Variants in JAK2 observed in about 807,000 individuals in gnomAD.
The protein encoded by JAK2 is tyrosine-protein kinase JAK2.
JAK2 carries 86 observed loss-of-function variants against 139.3 expected under a neutral mutation model. That is an observed-to-expected ratio of 0.62 (90% CI 0.52 to 0.74). The LOEUF is 0.74. Ranked by LOEUF, JAK2 falls within the 30% of genes least tolerant of loss-of-function variation. The pLI, the probability that JAK2 is intolerant of heterozygous loss-of-function variation, is 0.00. For synonymous variants in JAK2, 490 were observed against 437.7 expected (o/e 1.12, Z -1.49); for missense variants, 1,421 against 1,360.3 (o/e 1.04, Z -0.70).
intron 22 of JAK2, chr9:5,110,518 A>G: frequency 6.4e-6 from 1 of 156,180 alleles, no homozygotes; most frequent in East Asian, 1.9e-4. Flanking sequence ...AATCTCAATG[A>G]TGAACAAGAT....
intron 22 of JAK2, chr9:5,111,912 G>A (rs1447013902): frequency 1.4e-5 from 5 of 352,360 alleles, no homozygotes; most frequent in Non-Finnish European, 2.8e-5. Context: ...GGAAGGCCTG[G>A]CCTCAATCTA....
chr9:5,065,192 A>T (rs1818482730), intron 9 of JAK2, 152 bp downstream of exon 9: 1 of 452,394 alleles, frequency 2.2e-6, no homozygotes, highest in African/African-American at 2.0e-5. Flanking sequence ...ATTACATAAT[A>T]ATTAGAATTA....
chr9:5,098,058 T>C (rs1343541091), intron 22 of JAK2: 1 of 152,218 alleles, frequency 6.6e-6, no homozygotes, highest in East Asian at 1.9e-4. Context: ...GCAGTTATGC[T>C]AACAATTTTT....
chr9:5,030,004 C>G (rs868276307), intron 4 of JAK2, 98 bp downstream of exon 4: 2 of 994,148 alleles, frequency 2.0e-6, no homozygotes, highest in South Asian at 3.6e-5. Flanking sequence ...TACCAGATAC[C>G]TGAACCAATT....
chr9:5,121,201 T>A (rs187687161), intron 22 of JAK2, among the ~76,000 whole-genome samples: 3 of 152,100 alleles, frequency 2.0e-5, no homozygotes, highest in African/African-American at 7.2e-5. Context: ...AATTTTATGA[T>A]TGAGTAAGCA....
intron 22 of JAK2, among the ~76,000 whole-genome samples, chr9:5,122,318 C>A (rs535579899): frequency 1.4e-4 from 22 of 152,118 alleles, no homozygotes; most frequent in South Asian, 4.1e-4. Context: ...AACAATGACA[C>A]CATTGCTGTG....
At chr9:5,035,938 A>G (rs1823563625) in intron 4 of JAK2, among the ~76,000 whole-genome samples, 1 of 152,216 alleles carries the variant, frequency 6.6e-6, no homozygotes, top group Non-Finnish European at 1.5e-5. Context: ...AGGAAGTCAA[A>G]TTGTCCCTGT....
intron 16 of JAK2, among the ~76,000 whole-genome samples, chr9:5,078,992 A>C (rs1282433787): frequency 2.0e-5 from 3 of 152,200 alleles, no homozygotes; most frequent in Admixed American, 6.5e-5. Flanking sequence ...ATTATAACTG[A>C]ATTTTGTTAT....
chr9:5,043,355 C>T (rs1338169929), intron 4 of JAK2, among the ~76,000 whole-genome samples: 1 of 151,468 alleles, frequency 6.6e-6, no homozygotes, highest in Non-Finnish European at 1.5e-5. Flanking sequence ...AAAAAGATGC[C>T]CAACATCATT....
At chr9:5,050,611 T>C (rs1238085999) in intron 5 of JAK2, 75 bp from the exon 6 acceptor site, 3 of 1,422,992 alleles carry the variant, frequency 2.1e-6, no homozygotes, top group Non-Finnish European at 2.9e-6. Context: ...AAAATTATGA[T>C]TAAAATATAA....
At chr9:5,081,160 G>A (rs918258818) in intron 18 of JAK2, among the ~76,000 whole-genome samples, 1 of 151,852 alleles carries the variant, frequency 6.6e-6, no homozygotes. Flanking sequence ...CTCCCAAAGT[G>A]CTGGGATTAC....
At chr9:5,038,640 C>T (rs77605397) in intron 4 of JAK2, among the ~76,000 whole-genome samples, 4,901 of 148,486 alleles carry the variant, frequency 0.033, 147 homozygotes, top group South Asian at 0.044. Flanking sequence ...GCAGAGTATA[C>T]GCTGGTTGAA....
At chr9:5,072,751 T>C (rs1197199084) in intron 13 of JAK2, 125 bp downstream of exon 13, 3 of 578,046 alleles carry the variant, frequency 5.2e-6, no homozygotes, top group Non-Finnish European at 8.1e-6. Context: ...CAAGGACTTT[T>C]CTGAGGATAC....
intron 22 of JAK2, among the ~76,000 whole-genome samples, chr9:5,107,034 AAT>A (rs1367379102): frequency 6.6e-6 from 1 of 152,156 alleles, no homozygotes; most frequent in African/African-American, 2.4e-5. Flanking sequence ...GTATAATAAA[AAT>A]ATATATACAT....
intron 2 of JAK2, among the ~76,000 whole-genome samples, chr9:4,993,956 A>G (rs990783548): frequency 2.6e-5 from 4 of 152,158 alleles, no homozygotes; most frequent in Non-Finnish European, 5.9e-5. Context: ...GTGATCATGT[A>G]TGGATGAGTG....
Position 5,029,817 on chromosome 9 carries a change from A to G in JAK2, c.261A>G (p.Leu87=). The G allele has an allele frequency of 6.2e-7, 1 of 1,611,368 alleles. No individual in the cohort carries two copies. The stretch of plus-strand genomic sequence containing the variant: ...CTGTGTATCATAATATGTTTGCTTT[A>G]ATGAGTGAAACAGAAAGGATCTGGT... ...ITPVYHNMFA[L]MSETERIWYP... The change falls in exon 4 of 25, where the codon TTA becomes TTG. Residue 87 remains leucine, a synonymous_variant. Coordinates refer to ENST00000381652, the MANE Select transcript of JAK2 (RefSeq NM_004972.4).
chr9:5,013,555 T>G (rs1036016872), intron 2 of JAK2, among the ~76,000 whole-genome samples: 52 of 152,206 alleles, frequency 3.4e-4, no homozygotes, highest in African/African-American at 1.2e-3. Flanking sequence ...CAGCCAAACT[T>G]GTCTCTACTT....
chr9:5,120,584 G>A (rs1484574200), intron 22 of JAK2, among the ~76,000 whole-genome samples: 1 of 152,192 alleles, frequency 6.6e-6, no homozygotes, highest in African/African-American at 2.4e-5. Context: ...GGTGAAACAG[G>A]ATTTTGGACT....
Position 5,030,893 on chromosome 9 carries a change from AAAT to A in JAK2, c.350+990_350+992del, listed in dbSNP as rs1284057469. 3.4e-4 allele frequency among the ~76,000 whole-genome samples: 51 copies of A among 152,148 alleles called. 1 individual carries two copies. The highest frequency in any genetic ancestry group is 2.1e-4 in the Non-Finnish European group (14 of 68,014). On this transcript the variant is annotated intron_variant, in intron 4 of 24. Coordinates refer to ENST00000381652, the MANE Select transcript of JAK2 (RefSeq NM_004972.4). ...TTATTGAAAAGACAATTGGTGAAAA[AAAT>A]AAATGTTCAAAGAAATAATAGATGT...
Sources: allele counts gnomAD v4.1 joint callset (sites outside exome capture counted in the v4.1 genomes callset), GRCh38; gene constraint gnomAD v4.1.1; transcripts MANE v1.5; gene names NCBI Gene and HGNC (gene_info 2026-07-23, HGNC 2026-07-21).